Variants in ZNF385D observed in about 807,000 individuals in gnomAD.
The protein encoded by ZNF385D is zinc finger protein 385D, also known as zinc finger protein 659.
In ZNF385D, 15 loss-of-function variants were observed where a neutral mutation model predicts 35.8. The ratio of observed to expected loss-of-function variants is 0.42; its 90% CI spans 0.28 to 0.64. The LOEUF (loss-of-function observed/expected upper bound fraction) is 0.64. Ranked by LOEUF, ZNF385D falls within the 30% of genes least tolerant of loss-of-function variation. ZNF385D has a pLI of 0.23. For missense variants in ZNF385D, 474 were observed against 494.6 expected (o/e 0.96, Z 0.39); for synonymous variants, 212 against 186.8 (o/e 1.13, Z -1.10).
chr3:21,677,070 G>A (rs2125300977), intron 1 of ZNF385D, among the ~76,000 whole-genome samples: 1 of 152,184 alleles, frequency 6.6e-6, no homozygotes, highest in Non-Finnish European at 1.5e-5. Flanking sequence ...TCTATATTAT[G>A]ATAAAAGGAA....
At chr3:22,312,125 A>G (rs112651700) in intron 2 of ZNF385D, among the ~76,000 whole-genome samples, 1 of 152,144 alleles carries the variant, frequency 6.6e-6, no homozygotes, top group Non-Finnish European at 1.5e-5. Context: ...TAGGGACTCT[A>G]TTAATTCATC....
chr3:22,338,508 A>G (rs1695271827), intron 2 of ZNF385D, among the ~76,000 whole-genome samples: 1 of 152,176 alleles, frequency 6.6e-6, no homozygotes, highest in Non-Finnish European at 1.5e-5. Flanking sequence ...TTACAGAAAT[A>G]TCAATATACA....
chr3:21,905,151 T>C (rs999711921), intron 3 of ZNF385D, among the ~76,000 whole-genome samples: 1 of 141,550 alleles, frequency 7.1e-6, no homozygotes, highest in Non-Finnish European at 1.5e-5. Context: ...GATAAATTAA[T>C]GTTCATCAGT....
At chr3:21,702,079 G>T (rs2125384883) in intron 1 of ZNF385D, among the ~76,000 whole-genome samples, 1 of 152,344 alleles carries the variant, frequency 6.6e-6, no homozygotes, top group East Asian at 1.9e-4. Context: ...CAGTGCACCA[G>T]TAAGGACTCT....
At chr3:21,843,060 G>A (rs914307133) in intron 3 of ZNF385D, among the ~76,000 whole-genome samples, 17 of 152,054 alleles carry the variant, frequency 1.1e-4, no homozygotes, top group African/African-American at 3.4e-4. Context: ...AGATCCTTTA[G>A]AAGCTAGAGT....
chr3:21,756,511 G>A (rs7618602), intron 3 of ZNF385D, among the ~76,000 whole-genome samples: 18,878 of 151,906 alleles, frequency 0.12, 1,308 homozygotes, highest in African/African-American at 0.18. Flanking sequence ...GAGCTCAAAG[G>A]AGATGTTTGG....
At chr3:21,995,121 A>C (rs2125403070) in intron 3 of ZNF385D, among the ~76,000 whole-genome samples, 1 of 152,326 alleles carries the variant, frequency 6.6e-6, no homozygotes, top group South Asian at 2.1e-4. Context: ...TTATATCAGT[A>C]GCATCAATAA....
chr3:21,698,948 G>C (rs530792295), intron 1 of ZNF385D, among the ~76,000 whole-genome samples: 6 of 152,032 alleles, frequency 3.9e-5, no homozygotes, highest in Non-Finnish European at 8.8e-5. Flanking sequence ...CAAGAATCTA[G>C]AACCAGAAAA....
At position 21,484,083 on chromosome 3, in the gene ZNF385D, C is replaced by T. The variant is rs143768590; in HGVS notation, c.439+26778G>A. Among the ~76,000 whole-genome samples, 21 of 152,200 alleles carry T rather than the reference C, an allele frequency of 1.4e-4. No homozygotes were observed. In the East Asian group the frequency reaches 4.1e-3, roughly 29 times the overall value. Reference sequence around the variant, plus strand: ...GTATAGTAAGAAATAAAGACATCTCCAAATAATATATGAATAGCAGATATA... The same window carrying T: ...GTATAGTAAGAAATAAAGACATCTCTAAATAATATATGAATAGCAGATATA... On this transcript the variant is annotated intron_variant, in intron 4 of 7. Coordinates refer to ENST00000281523, the MANE Select transcript of ZNF385D (RefSeq NM_024697.3).
At chr3:21,791,879 C>T (rs1452859754) in intron 3 of ZNF385D, among the ~76,000 whole-genome samples, 2 of 152,084 alleles carry the variant, frequency 1.3e-5, no homozygotes, top group African/African-American at 2.4e-5. Context: ...GGATTACAGG[C>T]ACGTGCCACC....
chr3:21,844,924 G>A (rs138623548), intron 3 of ZNF385D, among the ~76,000 whole-genome samples: 122 of 151,952 alleles, frequency 8.0e-4, no homozygotes, highest in African/African-American at 2.9e-3. Context: ...TTTTATAGAT[G>A]TAGGTTTCAC....
intron 3 of ZNF385D, among the ~76,000 whole-genome samples, chr3:21,851,127 G>C (rs1404457513): frequency 6.6e-6 from 1 of 151,638 alleles, no homozygotes; most frequent in Non-Finnish European, 1.5e-5. Flanking sequence ...ACAATGAAAA[G>C]ACAAATGGAA....
intron 2 of ZNF385D, among the ~76,000 whole-genome samples, chr3:22,343,522 T>C (rs1480687302): frequency 2.0e-5 from 3 of 152,232 alleles, no homozygotes; most frequent in African/African-American, 7.2e-5. Context: ...ACTTGTCCAG[T>C]GGCAGCAGTG....
At chr3:22,098,272 A>C (rs888410429) in intron 3 of ZNF385D, among the ~76,000 whole-genome samples, 1 of 152,100 alleles carries the variant, frequency 6.6e-6, no homozygotes, top group South Asian at 2.1e-4. Flanking sequence ...GGAAGTGACC[A>C]TTCAAGTTGA....
At chr3:21,858,576 G>C (rs1296982113) in intron 3 of ZNF385D, among the ~76,000 whole-genome samples, 1 of 151,668 alleles carries the variant, frequency 6.6e-6, no homozygotes, top group Non-Finnish European at 1.5e-5. Context: ...CAGTGAGAAG[G>C]CACCGAATAT....
At chr3:22,012,779 TAGC>T (rs1193285994) in intron 3 of ZNF385D, among the ~76,000 whole-genome samples, 1 of 152,146 alleles carries the variant, frequency 6.6e-6, no homozygotes, top group Non-Finnish European at 1.5e-5. Flanking sequence ...ATAAGCTGCT[TAGC>T]ACATAATTCT....
At chr3:22,020,578 C>A (rs1576166241) in intron 3 of ZNF385D, among the ~76,000 whole-genome samples, 1 of 151,832 alleles carries the variant, frequency 6.6e-6, no homozygotes, top group African/African-American at 2.4e-5. Context: ...CAATGAGATA[C>A]CATATTATGC....
At chr3:21,426,570 A>G (rs1701037042) in intron 5 of ZNF385D, among the ~76,000 whole-genome samples, 1 of 151,788 alleles carries the variant, frequency 6.6e-6, no homozygotes, top group South Asian at 2.1e-4. Context: ...TCACTTGGTC[A>G]TGTGTTTTTT....
chr3:22,323,707 A>G (rs1206579543), intron 2 of ZNF385D, among the ~76,000 whole-genome samples: 1 of 152,220 alleles, frequency 6.6e-6, no homozygotes, highest in East Asian at 1.9e-4. Context: ...AATAATGAGG[A>G]TAATAGCAGA....
Sources: allele counts gnomAD v4.1 joint callset (sites outside exome capture counted in the v4.1 genomes callset), GRCh38; gene constraint gnomAD v4.1.1; transcripts MANE v1.5; gene names NCBI Gene and HGNC (gene_info 2026-07-23, HGNC 2026-07-21).